The following ELMO1 variants were observed in gnomAD, a reference collection of about 807,000 sequenced individuals.
ELMO1 encodes engulfment and cell motility 1, also known as engulfment and cell motility protein 1.
A neutral mutation model predicts 98.9 loss-of-function variants in ELMO1; 26 were observed. The ratio of observed to expected loss-of-function variants is 0.26; its 90% CI spans 0.19 to 0.36. The LOEUF is 0.36. Ranked by LOEUF, ELMO1 falls within the 10% of genes least tolerant of loss-of-function variation. The pLI, the probability that ELMO1 is intolerant of heterozygous loss-of-function variation, is 1.00. For synonymous variants in ELMO1, 346 were observed against 346.0 expected, an observed-to-expected ratio of 1.00 and a Z score of 0.00; for missense variants, 627 against 935.2, an observed-to-expected ratio of 0.67 and a Z score of 4.30.
chr7:36,895,623 C>G (rs565941828), intron 16 of ELMO1, among the ~76,000 whole-genome samples: 73 of 152,200 alleles, frequency 4.8e-4, no homozygotes, highest in Non-Finnish European at 9.3e-4. Context: ...ACAGACATAT[C>G]CCACTGGAAG....
rs141223310 is a variant in ELMO1, at chr7:36,929,840, C to A, written c.1438-34823G>T. Among the ~76,000 whole-genome samples, 753 of 152,320 alleles carry A rather than the reference C, an allele frequency of 4.9e-3. 2 individuals carry two copies. Among genetic ancestry groups the A allele is most frequent in the Middle Eastern group, 0.021 (6 of 292 alleles). The stretch of plus-strand genomic sequence containing the variant: ...TGAGTCCCCTGGAAACAAGCCAGAG[C>A]TTGTCCGGTCCATGAGTTACTCCCA... On this transcript the variant is annotated intron_variant, in intron 16 of 21. Coordinates refer to ENST00000310758, the MANE Select transcript of ELMO1 (RefSeq NM_014800.11).
intron 13 of ELMO1, among the ~76,000 whole-genome samples, chr7:37,166,714 A>T (rs1414852559): frequency 6.6e-6 from 1 of 152,066 alleles, no homozygotes; most frequent in Non-Finnish European, 1.5e-5. Flanking sequence ...AGTTTCTTAT[A>T]ATTTCTGCTC....
chr7:36,981,257 G>A (rs970828336), intron 16 of ELMO1, among the ~76,000 whole-genome samples: 1 of 151,000 alleles, frequency 6.6e-6, no homozygotes, highest in Non-Finnish European at 1.5e-5. Context: ...ATCAACTGGG[G>A]ACATCATTAG....
intron 14 of ELMO1, among the ~76,000 whole-genome samples, chr7:37,110,384 T>C (rs1040536743): frequency 9.8e-5 from 15 of 152,290 alleles, no homozygotes; most frequent in African/African-American, 2.9e-4. Context: ...TCCTCACATC[T>C]GCACCTGACT....
intron 13 of ELMO1, among the ~76,000 whole-genome samples, chr7:37,153,933 G>A (rs1355035652): frequency 3.3e-5 from 5 of 152,136 alleles, no homozygotes; most frequent in African/African-American, 1.2e-4. Context: ...ACAGGTGGGT[G>A]CCCCTCTGGG....
In ELMO1 at chr7:36,924,751, C is replaced by A. The variant is rs545545749; in HGVS notation, c.1438-29734G>T. On this transcript the variant is annotated intron_variant, in intron 16 of 21. Coordinates refer to ENST00000310758, the MANE Select transcript of ELMO1 (RefSeq NM_014800.11). The stretch of plus-strand genomic sequence containing the variant: ...CATCAGAGAACGGAGGGGAACAGCA[C>A]CCCCATGGTGGGGGGTGGCACTGGC... Among the ~76,000 whole-genome samples, 5 of 152,182 alleles carry A rather than the reference C, an allele frequency of 3.3e-5. No individual in the cohort carries two copies. The South Asian group carries it at 8.3e-4, about 25-fold the overall frequency.
chr7:36,982,192 A>G (rs906535027), intron 16 of ELMO1, among the ~76,000 whole-genome samples: 3 of 152,246 alleles, frequency 2.0e-5, no homozygotes, highest in Non-Finnish European at 4.4e-5. Context: ...ACATGAATCT[A>G]CTTTTTTAAC....
intron 1 of ELMO1, among the ~76,000 whole-genome samples, chr7:37,382,556 C>T (rs188287345): frequency 1.3e-5 from 2 of 152,234 alleles, no homozygotes; most frequent in Admixed American, 6.5e-5. Flanking sequence ...GTGTCCCCAC[C>T]ATCCCATACC....
At chr7:36,947,005 C>T (rs1010083297) in intron 16 of ELMO1, among the ~76,000 whole-genome samples, 3 of 152,124 alleles carry the variant, frequency 2.0e-5, no homozygotes, top group Non-Finnish European at 4.4e-5. Context: ...TGGGGGTACA[C>T]GTGCAGGTTT....
intron 8 of ELMO1, among the ~76,000 whole-genome samples, chr7:37,229,364 T>C (rs573307235): frequency 1.7e-4 from 26 of 152,294 alleles, no homozygotes; most frequent in African/African-American, 5.8e-4. Flanking sequence ...ACATTATATA[T>C]TGGTATCAAG....
At chr7:37,431,754 A>G (rs1804940135) in intron 1 of ELMO1, among the ~76,000 whole-genome samples, 1 of 152,144 alleles carries the variant, frequency 6.6e-6, no homozygotes, top group Non-Finnish European at 1.5e-5. Flanking sequence ...ATGTTTTGGG[A>G]ACTAATGGAC....
chr7:37,214,096 T>C (rs1387464959), intron 11 of ELMO1, among the ~76,000 whole-genome samples: 1 of 152,072 alleles, frequency 6.6e-6, no homozygotes, highest in African/African-American at 2.4e-5. Context: ...AAAGAGAACA[T>C]ACAAGGAGTG....
At chr7:37,224,072 C>T (rs779371284) in intron 9 of ELMO1, among the ~76,000 whole-genome samples, 1 of 152,218 alleles carries the variant, frequency 6.6e-6, no homozygotes, top group Non-Finnish European at 1.5e-5. Context: ...TATGGTTTCT[C>T]TCCTTCTCAA....
intron 10 of ELMO1, 72 bp from the exon 11 acceptor site, chr7:37,216,767 C>T (rs922500537): frequency 4.5e-6 from 7 of 1,554,076 alleles, no homozygotes; most frequent in Non-Finnish European, 6.2e-6. Context: ...CAAAAATGAC[C>T]TTATCCTGGG....
At chr7:37,214,330 C>T (rs113946122) in intron 11 of ELMO1, among the ~76,000 whole-genome samples, 2,048 of 152,322 alleles carry the variant, frequency 0.013, 56 homozygotes, top group African/African-American at 0.047. Context: ...GCCATGTTAT[C>T]TGAAAGACCA....
chr7:37,216,552 G>T, intron 11 of ELMO1, 93 bp downstream of exon 11: 2 of 1,462,422 alleles, frequency 1.4e-6, no homozygotes, highest in Non-Finnish European at 1.9e-6. Context: ...GGAAGTCACA[G>T]AACAAACCAC....
At chr7:37,292,956 GGAAGT>G (rs1419558700) in intron 4 of ELMO1, among the ~76,000 whole-genome samples, 35 of 56,484 alleles carry the variant, frequency 6.2e-4, no homozygotes, top group Admixed American at 1.7e-3. Context: ...GCCCCGTCCG[GGAAGT>G]GAGGGGCGCC....
At chr7:37,066,111 C>A (rs1341927512) in intron 15 of ELMO1, among the ~76,000 whole-genome samples, 1 of 152,194 alleles carries the variant, frequency 6.6e-6, no homozygotes, top group Non-Finnish European at 1.5e-5. Context: ...GACTGTGAGA[C>A]CTCCCCAGCC....
intron 4 of ELMO1, among the ~76,000 whole-genome samples, chr7:37,301,703 G>C (rs1798358371): frequency 6.6e-6 from 1 of 152,120 alleles, no homozygotes; most frequent in African/African-American, 2.4e-5. Flanking sequence ...CTTCAGACAT[G>C]GTAAAGGCGG....
Sources: gnomAD v4.1 joint callset for allele counts (sites outside exome capture counted in the v4.1 genomes callset) on GRCh38, gnomAD v4.1.1 for gene constraint, MANE v1.5 for transcripts, NCBI Gene and HGNC (gene_info 2026-07-23, HGNC 2026-07-21) for gene names.